The following FAM3A variants were observed in gnomAD, a reference collection of about 807,000 sequenced individuals.
The protein encoded by FAM3A is FAM3 metabolism regulating signaling molecule A, also known as protein FAM3A.
A neutral mutation model predicts 18.1 loss-of-function variants in FAM3A; 5 were observed. The observed-to-expected ratio is 0.28, with a 90% CI of 0.14 to 0.58. The LOEUF is 0.58. Among genes scored for constraint, FAM3A ranks in the 20% least tolerant of loss-of-function variants. The pLI is 0.91. For synonymous variants in FAM3A, 108 were observed against 90.2 expected, an observed-to-expected ratio of 1.20 and a Z score of -1.12; for missense variants, 154 against 216.6, an observed-to-expected ratio of 0.71 and a Z score of 1.81.
At chrX:154,512,012 T>A (rs1337192627) in intron 2 of FAM3A, 141 bp from the exon 3 acceptor site, 6 of 484,701 alleles carry the variant, frequency 1.2e-5, no homozygotes, top group South Asian at 3.0e-5. Flanking sequence ...GACCTTGGCA[T>A]GCTTCCTGCT....
chrX:154,508,332 G>T lies in FAM3A; in HGVS notation c.291C>A (p.Val97=). 1.0e-6 allele frequency: 1 copy of T among 955,459 alleles called. No homozygotes were observed. The highest frequency in any genetic ancestry group is 1.3e-6 in the Non-Finnish European group (1 of 744,913). 78.7% of individuals were successfully genotyped at this position (955,459 alleles called of 1,213,427 possible). ...TCAGCCCGCGGCCCACGTTGTCCTT[G>T]ACGCTGCTCATCAGCCTAGTTGGGG... is the stretch of plus-strand genomic sequence containing the variant. The part of the protein sequence containing the change: ...CLEDKMLMSS[V]KDNVGRGLNI... The change falls in exon 5 of 9, where the codon GTC becomes GTA. Residue 97 remains valine, a synonymous_variant. Transcript: ENST00000447601.
At chrX:154,513,774 T>C (rs782484341) in intron 1 of FAM3A, among the ~76,000 whole-genome samples, 1 of 111,327 alleles carries the variant, frequency 9.0e-6, no homozygotes, top group East Asian at 2.8e-4. Flanking sequence ...TCCTGTATTT[T>C]CAACATCTCC....
intron 2 of FAM3A, 34 bp from the exon 3 acceptor site, chrX:154,511,905 G>A (rs782119310): frequency 8.4e-7 from 1 of 1,184,977 alleles, no homozygotes; most frequent in Non-Finnish European, 1.1e-6. Flanking sequence ...TTAGTGTGGA[G>A]CCTCCCGGGG....
In FAM3A at chrX:154,509,241, C is replaced by G. The variant is rs145929127; in HGVS notation, c.152-644G>C. The G allele has an allele frequency of 9.2e-5, 12 of 130,762 alleles. No homozygotes were observed. The East Asian group carries it at 2.4e-3, about 26-fold the overall frequency. The allele number at this position is 130,762 out of a possible 1,213,427, so 10.8% of individuals were successfully genotyped here. On this transcript the variant is annotated intron_variant, in intron 3 of 8. Coordinates refer to ENST00000447601, the MANE Select transcript of FAM3A (RefSeq NM_021806.4). The stretch of plus-strand genomic sequence containing the variant: ...AGCCATGGTACAGTGGAGGAAGAGA[C>G]AGGAGTGACACAGCCAGAGGCCAAG...
Position 154,506,869 on chromosome X carries a change from C to G in FAM3A, c.635G>C (p.Gly212Ala). 8.3e-7 allele frequency: 1 copy of G among 1,211,910 alleles called. No homozygotes were observed. Among genetic ancestry groups the G allele is most frequent in the Non-Finnish European group, 1.1e-6 (1 of 895,221 alleles). ...KNSKHSNKYE[G>A]WPEALEMEGC... ...TTCCATCTCCAGCGCCTCGGGCCAG[C>G]CTTCGTACTTGTTGCTGTGCTTACT... Residue 212 changes from glycine to alanine, a missense_variant, in exon 9 of 9, where the codon GGC (glycine) becomes GCC (alanine). Coordinates refer to ENST00000447601, the MANE Select transcript of FAM3A (RefSeq NM_021806.4).
intron 1 of FAM3A, among the ~76,000 whole-genome samples, chrX:154,515,300 G>T (rs1284130972): frequency 3.6e-5 from 4 of 111,724 alleles, no homozygotes; most frequent in African/African-American, 1.3e-4. Context: ...TAGCAAGTCT[G>T]AAGTCCAATT....
chrX:154,508,710 A>C, intron 3 of FAM3A, 113 bp from the exon 4 acceptor site: 1 of 936,291 alleles, frequency 1.1e-6, no homozygotes, highest in Non-Finnish European at 1.5e-6. Flanking sequence ...AGAGCAGGAC[A>C]CAAGTAGGGG....
intron 6 of FAM3A, 48 bp downstream of exon 6, chrX:154,507,763 A>G: frequency 9.1e-7 from 1 of 1,102,987 alleles, no homozygotes; most frequent in Non-Finnish European, 1.2e-6. Context: ...GAAGCTGCCC[A>G]GGTCATTTTG....
chrX:154,506,428 G>A lies in FAM3A; in HGVS notation c.*383C>T, dbSNP rs1418062110. ...CCAGAAGGGAGAGGTTCTGGAAGAC[G>A]CCCCAACCTGCCGGGCTGCTCCCAG... is the stretch of plus-strand genomic sequence containing the variant. On this transcript the variant is annotated 3_prime_UTR_variant, in exon 9 of 9. Coordinates refer to ENST00000447601, the MANE Select transcript of FAM3A (RefSeq NM_021806.4). 15 of 196,126 alleles carry A rather than the reference G, an allele frequency of 7.6e-5. No homozygotes were observed. The highest frequency in any genetic ancestry group is 2.2e-4 in the East Asian group (2 of 9,044). The allele number at this position is 196,126 out of a possible 1,213,427, so 16.2% of individuals were successfully genotyped here. A position where few individuals can be genotyped will look rare whatever the true frequency, so the allele number is the denominator to read the frequency against.
chrX:154,514,304 C>T (rs1349178071), intron 1 of FAM3A, among the ~76,000 whole-genome samples: 3 of 111,380 alleles, frequency 2.7e-5, no homozygotes, highest in African/African-American at 3.3e-5. Context: ...AGTGCAATGG[C>T]GCGATGTCGG....
chrX:154,506,952 AG>A lies in FAM3A; in HGVS notation c.598-47del, dbSNP rs1557218888. ...AGTCATGACTTTGGCCCTCAGGGAC[AG>A]GGGACAGGAGTGGACCAGGACCCAG... On this transcript the variant is annotated intron_variant, in intron 8 of 8. Transcript: ENST00000447601. The A allele has an allele frequency of 5.6e-6, 6 of 1,079,889 alleles. No individual in the cohort carries two copies. The East Asian group carries it at 1.5e-4, about 28-fold the overall frequency. 89.0% of individuals were successfully genotyped at this position (1,079,889 alleles called of 1,213,427 possible). A position where few individuals can be genotyped will look rare whatever the true frequency, so the allele number is the denominator to read the frequency against.
chrX:154,511,958 A>G, intron 2 of FAM3A, 87 bp from the exon 3 acceptor site: 1 of 877,499 alleles, frequency 1.1e-6, no homozygotes, highest in Non-Finnish European at 1.7e-6. Flanking sequence ...CGCGAAGTGT[A>G]GACACAGGCA....
chrX:154,513,103 G>T (rs782453375), intron 1 of FAM3A, among the ~76,000 whole-genome samples, 167 bp from the exon 2 acceptor site: 6 of 111,839 alleles, frequency 5.4e-5, no homozygotes, highest in African/African-American at 1.6e-4. Context: ...AGGGAGACTT[G>T]AGCTCCCTGG....
In FAM3A at chrX:154,506,219, C is replaced by T. The variant is rs1430558098; in HGVS notation, c.*592G>A. The T allele has an allele frequency of 1.8e-5, 2 of 113,999 alleles. No individual in the cohort carries two copies. The highest frequency in any genetic ancestry group is 6.6e-5 in the African/African-American group (2 of 30,261). 9.4% of individuals were successfully genotyped at this position (113,999 alleles called of 1,213,427 possible). A position where few individuals can be genotyped will look rare whatever the true frequency, so the allele number is the denominator to read the frequency against. The stretch of plus-strand genomic sequence containing the variant: ...AAGGGGTCATCTAGAAGGTGGGCCC[C>T]CTGACAAACCGCGGGACTGTGATCG... On this transcript the variant is annotated 3_prime_UTR_variant, in exon 9 of 9. Transcript: ENST00000447601.
intron 3 of FAM3A, 132 bp downstream of exon 3, chrX:154,511,716 A>G (rs1557222748): frequency 1.0e-5 from 6 of 587,849 alleles, no homozygotes; most frequent in African/African-American, 4.5e-5. Flanking sequence ...GTAGGTTGAC[A>G]GTGGCAAGCA....
At chrX:154,509,043 C>A (rs781797703) in intron 3 of FAM3A, 6 of 255,742 alleles carry the variant, frequency 2.3e-5, no homozygotes, top group Admixed American at 5.2e-5. Context: ...GGGTTGAATT[C>A]TGTCCCCTCA....
chrX:154,508,354 G>A lies in FAM3A; in HGVS notation c.276-7C>T. The stretch of plus-strand genomic sequence containing the variant: ...CTTGACGCTGCTCATCAGCCTAGTT[G>A]GGGGGGGGTGGGGGGGACGGGGAGA... On this transcript the variant is annotated splice_polypyrimidine_tract_variant and splice_region_variant and intron_variant, in intron 4 of 8. Coordinates refer to ENST00000447601, the MANE Select transcript of FAM3A (RefSeq NM_021806.4). 5.8e-6 allele frequency: 3 copies of A among 518,681 alleles called. No individual in the cohort carries two copies. The highest frequency in any genetic ancestry group is 3.5e-5 in the South Asian group (1 of 28,253). The allele number at this position is 518,681 out of a possible 1,213,427, so 42.7% of individuals were successfully genotyped here.
At chrX:154,512,395 C>T in intron 2 of FAM3A, 1 of 234,167 alleles carries the variant, frequency 4.3e-6, no homozygotes, top group Non-Finnish European at 7.8e-6. Context: ...ACCGAGATTG[C>T]ACCACTGCAC....
In FAM3A at chrX:154,515,796, G is replaced by A. The variant is rs782637787; in HGVS notation, c.-24C>T. ...ATGTCCACTTCTCCTGCTGGGTTGG[G>A]ACCGCCGGCAAGTGCACTGTTTGGG... On this transcript the variant is annotated 5_prime_UTR_variant, in exon 1 of 9. Coordinates refer to ENST00000447601, the MANE Select transcript of FAM3A (RefSeq NM_021806.4). 6.6e-6 allele frequency: 8 copies of A among 1,209,017 alleles called. No individual in the cohort carries two copies. Among genetic ancestry groups the A allele is most frequent in the Non-Finnish European group, 8.9e-6 (8 of 894,382 alleles).
Sources: allele counts gnomAD v4.1 joint callset (sites outside exome capture counted in the v4.1 genomes callset), GRCh38; gene constraint gnomAD v4.1.1; transcripts MANE v1.5; gene names NCBI Gene and HGNC (gene_info 2026-07-23, HGNC 2026-07-21).